Variants in LPA observed in about 807,000 individuals in gnomAD.
LPA encodes the protein apolipoprotein(a).
Under a neutral mutation model 197.9 loss-of-function variants are expected in LPA, and 199 were observed. That is an observed-to-expected ratio of 1.01 (90% CI 0.90 to 1.13). The LOEUF (loss-of-function observed/expected upper bound fraction) is 1.13. Among genes scored for constraint, LPA ranks in the 50% most tolerant of loss-of-function variants. LPA has a pLI of 0.00. For missense variants in LPA, 1,853 were observed against 1,785.8 expected (o/e 1.04, Z -0.68); for synonymous variants, 715 against 639.5 (o/e 1.12, Z -1.78).
intron 17 of LPA, among the ~76,000 whole-genome samples, chr6:160,605,966 A>G (rs1779341010): frequency 6.6e-6 from 1 of 152,150 alleles, no homozygotes; most frequent in Non-Finnish European, 1.5e-5. Flanking sequence ...AAGTCCTGAA[A>G]CATAGATCAT....
rs1778003798 is a variant in LPA, at chr6:160,542,815, C to G, written c.5399-7G>C. 7.4e-6 allele frequency: 12 copies of G among 1,613,754 alleles called. No individual in the cohort carries two copies. Among genetic ancestry groups the G allele is most frequent in the Non-Finnish European group, 1.0e-5 (12 of 1,179,854 alleles). The stretch of plus-strand genomic sequence containing the variant: ...CAATCAAATGAAGAGGATGCTGTGG[C>G]ACAAGGTGGGAAAAGAAGTCGCATT... On this transcript the variant is annotated splice_region_variant and splice_polypyrimidine_tract_variant and intron_variant, in intron 33 of 38. Transcript: ENST00000316300.
intron 28 of LPA, among the ~76,000 whole-genome samples, chr6:160,569,428 T>A (rs1375342520): frequency 6.6e-6 from 1 of 152,030 alleles, no homozygotes; most frequent in Non-Finnish European, 1.5e-5. Flanking sequence ...TGCCTAGCCA[T>A]ATGTAGAAAG....
chr6:160,598,198 C>T (rs772785366), intron 20 of LPA, among the ~76,000 whole-genome samples: 1 of 152,114 alleles, frequency 6.6e-6, no homozygotes, highest in African/African-American at 2.4e-5. Context: ...TGTTGTTCCT[C>T]AATATATGGT....
At position 160,584,213 on chromosome 6, in the gene LPA, TTCTTCTTCTTCTTCTTCTTCTTCTTCC is replaced by T. The variant is rs59803788; in HGVS notation, c.4289+806_4289+832del. Among the ~76,000 whole-genome samples, 1,020 of 123,882 alleles carry T rather than the reference TTCTTCTTCTTCTTCTTCTTCTTCTTCC, an allele frequency of 8.2e-3. 17 individuals carry two copies. Among genetic ancestry groups the T allele is most frequent in the East Asian group, 0.048 (156 of 3,276 alleles). The allele number at this position is 123,882 out of a possible 152,430, so 81.3% of individuals were successfully genotyped here. A position where few individuals can be genotyped will look rare whatever the true frequency, so the allele number is the denominator to read the frequency against. ...CTTCTTCTTCTTCTTCTTCTTCTTC[TTCTTCTTCTTCTTCTTCTTCTTCTTCC>T]TCCTCCTCCTCCTCCTCCTCTTCCT... On this transcript the variant is annotated intron_variant, in intron 26 of 38. Transcript: ENST00000316300.
At chr6:160,558,811 G>A (rs946575731) in intron 28 of LPA, among the ~76,000 whole-genome samples, 9 of 152,128 alleles carry the variant, frequency 5.9e-5, no homozygotes, top group African/African-American at 2.2e-4. Context: ...TCCTAGGAAC[G>A]TTGACCCAAC....
rs1407572242 is a variant in LPA at position 160,590,981 on chromosome 6, T to C, written c.3750A>G (p.Ser1250=). The C allele has an allele frequency of 3.7e-6, 6 of 1,613,894 alleles. No individual in the cohort carries two copies. The highest frequency in any genetic ancestry group is 5.1e-6 in the Non-Finnish European group (6 of 1,179,928). ...CAGCCGTGGACGTCGCAAGGACACT[T>C]GATTCTGTCACTGGACATTGTGTCA... ...CNLTQCPVTE[S]SVLATSTAVS... Residue 1250 remains serine, a synonymous_variant, in exon 23 of 39, where the codon TCA becomes TCG. Coordinates refer to ENST00000316300, the MANE Select transcript of LPA (RefSeq NM_005577.4).
At chr6:160,650,560 AT>A (rs1254970650) in intron 1 of LPA, 63 bp from the exon 2 acceptor site, 1 of 1,513,724 alleles carries the variant, frequency 6.6e-7, no homozygotes, top group African/African-American at 1.4e-5. Flanking sequence ...ATGTGAAGTC[AT>A]TTATGACACA....
chr6:160,661,269 G>T (rs1780221758), intron 1 of LPA, among the ~76,000 whole-genome samples: 1 of 152,238 alleles, frequency 6.6e-6, no homozygotes. Context: ...GGGGTGTGGT[G>T]GGGGCCACAT....
At chr6:160,545,840 G>A (rs757997112) in intron 32 of LPA, among the ~76,000 whole-genome samples, 19 of 152,204 alleles carry the variant, frequency 1.2e-4, no homozygotes, top group Non-Finnish European at 2.6e-4. Flanking sequence ...AGCCTCAGAG[G>A]ACAGTGGGAC....
intron 28 of LPA, among the ~76,000 whole-genome samples, chr6:160,562,779 T>A (rs892872251): frequency 6.6e-6 from 1 of 152,226 alleles, no homozygotes; most frequent in African/African-American, 2.4e-5. Context: ...TTTGACTTCT[T>A]CCTGGTTTAG....
intron 16 of LPA, among the ~76,000 whole-genome samples, chr6:160,611,105 T>C (rs1296383473): frequency 6.6e-6 from 1 of 152,124 alleles, no homozygotes; most frequent in Non-Finnish European, 1.5e-5. Context: ...CCTATTGGAA[T>C]ACAGGTAGAA....
intron 29 of LPA, among the ~76,000 whole-genome samples, chr6:160,556,894 A>T (rs1184325941): frequency 1.3e-5 from 2 of 152,168 alleles, no homozygotes; most frequent in African/African-American, 4.8e-5. Context: ...TAAGACTGAA[A>T]TAAGCCAGAG....
Position 160,650,511 on chromosome 6 carries a change from A to G in LPA, c.50-14T>C. 1 of 1,612,942 alleles carries G rather than the reference A, an allele frequency of 6.2e-7. No individual in the cohort carries two copies. Among genetic ancestry groups the G allele is most frequent in the Non-Finnish European group, 8.5e-7 (1 of 1,179,154 alleles). On this transcript the variant is annotated splice_polypyrimidine_tract_variant and intron_variant, in intron 1 of 38. Coordinates refer to ENST00000316300, the MANE Select transcript of LPA (RefSeq NM_005577.4). Reference sequence around the variant, plus strand: ...GCTCAGGTGCTGCTAAAATTAAAACAGAAGAAATCAAGCTGAATAGTTCTT... The same window carrying G: ...GCTCAGGTGCTGCTAAAATTAAAACGGAAGAAATCAAGCTGAATAGTTCTT...
At chr6:160,538,233 G>T (rs1777923562) in intron 36 of LPA, among the ~76,000 whole-genome samples, 1 of 152,188 alleles carries the variant, frequency 6.6e-6, no homozygotes, top group Non-Finnish European at 1.5e-5. Flanking sequence ...GATGACAAAG[G>T]CACACTTCTC....
At chr6:160,606,199 A>G (rs1779345954) in intron 17 of LPA, among the ~76,000 whole-genome samples, 1 of 152,166 alleles carries the variant, frequency 6.6e-6, no homozygotes, top group African/African-American at 2.4e-5. Context: ...AATTTTGGCT[A>G]AGACACTGAG....
chr6:160,577,381 A>G (rs577412432), intron 27 of LPA, 86 bp from the exon 28 acceptor site: 2 of 1,270,820 alleles, frequency 1.6e-6, no homozygotes, highest in Non-Finnish European at 1.1e-6. Flanking sequence ...ACTGGACAGT[A>G]GCCTCTGAAA....
At chr6:160,595,713 A>C (rs1779120060) in intron 20 of LPA, among the ~76,000 whole-genome samples, 178 bp from the exon 21 acceptor site, 1 of 152,232 alleles carries the variant, frequency 6.6e-6, no homozygotes, top group African/African-American at 2.4e-5. Context: ...CATCTCAAAG[A>C]CAAATTATCA....
intron 1 of LPA, among the ~76,000 whole-genome samples, chr6:160,658,566 T>C (rs1205707565): frequency 1.3e-5 from 2 of 152,140 alleles, no homozygotes; most frequent in African/African-American, 4.8e-5. Context: ...TCTCCACATA[T>C]AGTCAAAGGT....
chr6:160,595,476 G>T lies in LPA; in HGVS notation c.3347C>A (p.Thr1116Asn). ...CTCCCACCTGACACTGGGATCCATG[G>T]TGTAACACCAAGGGCGAATCTCAGC... ...PDAEIRPWCY[T>N]MDPSVRWEYC... The change falls in exon 21 of 39, where the codon ACC becomes AAC. Residue 1116 changes from threonine to asparagine, a missense_variant. Transcript: ENST00000316300. 1.2e-6 allele frequency: 2 copies of T among 1,613,918 alleles called. No individual in the cohort carries two copies. Among genetic ancestry groups the T allele is most frequent in the South Asian group, 1.1e-5 (1 of 91,064 alleles).
Sources: gnomAD v4.1 joint callset for allele counts (sites outside exome capture counted in the v4.1 genomes callset) on GRCh38, gnomAD v4.1.1 for gene constraint, MANE v1.5 for transcripts, NCBI Gene and HGNC (gene_info 2026-07-23, HGNC 2026-07-21) for gene names.